MTSS1: variants seen among roughly 807,000 people sequenced by gnomAD.
MTSS1 encodes the protein MTSS I-BAR domain containing 1, also known as protein MTSS 1.
MTSS1 carries 18 observed loss-of-function variants against 79.0 expected under a neutral mutation model. The observed-to-expected ratio is 0.23, with a 90% CI of 0.16 to 0.34. MTSS1 has a LOEUF of 0.34. Ranked by LOEUF, MTSS1 falls within the 10% of genes least tolerant of loss-of-function variation. MTSS1 has a pLI of 1.00. For missense variants in MTSS1, 815 were observed against 986.2 expected (o/e 0.83, Z 2.33); for synonymous variants, 341 against 368.6 (o/e 0.93, Z 0.86).
chr8:124,604,001 TGAGAGTTCAA>T (rs1400830778), intron 3 of MTSS1, among the ~76,000 whole-genome samples: 1 of 152,024 alleles, frequency 6.6e-6, no homozygotes, highest in Non-Finnish European at 1.5e-5. Flanking sequence ...CACCTAAGGT[TGAGAGTTCAA>T]GACCAGCCTG....
chr8:124,685,856 C>T lies in MTSS1; in HGVS notation c.208+13670G>A, dbSNP rs118049592. Among the ~76,000 whole-genome samples the T allele has an allele frequency of 8.2e-3, 1,253 of 152,174 alleles. 14 individuals are homozygous for T. The highest frequency in any genetic ancestry group is 0.054 in the Middle Eastern group (16 of 294). Reference sequence around the variant, plus strand: ...AAGGACTGAACTGGATCCCAAACAGCGGCAGAAGTTGGAGACAGACAAGTG... The same window carrying T: ...AAGGACTGAACTGGATCCCAAACAGTGGCAGAAGTTGGAGACAGACAAGTG... On this transcript the variant is annotated intron_variant, in intron 3 of 13. Coordinates refer to ENST00000518547, the MANE Select transcript of MTSS1 (RefSeq NM_014751.6).
intron 2 of MTSS1, among the ~76,000 whole-genome samples, chr8:124,700,060 G>A (rs1472662618): frequency 2.0e-5 from 3 of 151,724 alleles, no homozygotes; most frequent in African/African-American, 7.3e-5. Flanking sequence ...AATCGCTTGA[G>A]ACCAGGAGGC....
intron 1 of MTSS1, among the ~76,000 whole-genome samples, chr8:124,707,179 C>G (rs1326004407): frequency 6.6e-6 from 1 of 152,134 alleles, no homozygotes; most frequent in African/African-American, 2.4e-5. Context: ...GCCAGACCCT[C>G]CTCTCCCAAA....
chr8:124,574,582 G>A lies in MTSS1; in HGVS notation c.461-6046C>T, dbSNP rs139096482. ...ACAAGCTGCCAGGAGCTAAACAGCC[G>A]ATCAAAAAGCCAGTGAAATGTGATT... On this transcript the variant is annotated intron_variant, in intron 6 of 13. Transcript: ENST00000518547. Among the ~76,000 whole-genome samples the A allele has an allele frequency of 3.3e-3, 504 of 152,210 alleles. 2 individuals carry two copies. Among genetic ancestry groups the A allele is most frequent in the African/African-American group, 0.011 (471 of 41,534 alleles).
chr8:124,581,306 AAT>A (rs1260464856), intron 6 of MTSS1, among the ~76,000 whole-genome samples: 202 of 151,486 alleles, frequency 1.3e-3, no homozygotes, highest in Non-Finnish European at 2.2e-3. Context: ...AAAAAAAAAA[AAT>A]CAAGACTTCT....
At position 124,727,518 on chromosome 8, in the gene MTSS1, T is replaced by A; in HGVS notation, c.72+366A>T. On this transcript the variant is annotated intron_variant, in intron 1 of 13. Coordinates refer to ENST00000518547, the MANE Select transcript of MTSS1 (RefSeq NM_014751.6). This position sits in a 1 kb window ranked among gnomAD's most constrained non-coding sequence, Gnocchi z 4.7. ...CCACCCCGTGCCCGGAGGAATCAGG[T>A]GTCCTCCCGGGCATCCAGCCCCCGC... 2.1e-6 allele frequency: 1 copy of A among 466,630 alleles called. No individual in the cohort carries two copies. Among genetic ancestry groups the A allele is most frequent in the Non-Finnish European group, 4.3e-6 (1 of 234,952 alleles). 28.9% of individuals were successfully genotyped at this position (466,630 alleles called of 1,614,324 possible).
intron 3 of MTSS1, among the ~76,000 whole-genome samples, chr8:124,687,859 G>A (rs747285675): frequency 6.6e-6 from 1 of 152,210 alleles, no homozygotes; most frequent in African/African-American, 2.4e-5. Flanking sequence ...GTCCCTTTCT[G>A]TCTTAGCAGA....
chr8:124,727,738 G>A lies in MTSS1; in HGVS notation c.72+146C>T, dbSNP rs1016994209. 3 of 699,694 alleles carry A rather than the reference G, an allele frequency of 4.3e-6. No homozygotes were observed. Among genetic ancestry groups the A allele is most frequent in the African/African-American group, 3.7e-5 (2 of 54,118 alleles). 43.3% of individuals were successfully genotyped at this position (699,694 alleles called of 1,614,324 possible). On this transcript the variant is annotated intron_variant, in intron 1 of 13. Coordinates refer to ENST00000518547, the MANE Select transcript of MTSS1 (RefSeq NM_014751.6). The surrounding 1 kb of genome is among the most constrained non-coding windows in gnomAD (Gnocchi z 4.7). ...CCGGAGCAGCGCCCCGGGTGAGCAG[G>A]TGACACTCCGGCCGGGAGCTCCCGC...
chr8:124,660,370 G>A (rs542817544), intron 3 of MTSS1, among the ~76,000 whole-genome samples: 3 of 151,674 alleles, frequency 2.0e-5, no homozygotes, highest in East Asian at 3.9e-4. Flanking sequence ...GGCAAGGAAC[G>A]AATGGCACTA....
At chr8:124,701,287 T>C (rs1048462184) in intron 2 of MTSS1, among the ~76,000 whole-genome samples, 13 of 152,136 alleles carry the variant, frequency 8.5e-5, no homozygotes, top group Admixed American at 2.0e-4. Flanking sequence ...GAATGGCCTT[T>C]AAACATCAGC....
intron 3 of MTSS1, among the ~76,000 whole-genome samples, chr8:124,591,541 A>G (rs1189389631): frequency 2.0e-5 from 3 of 152,208 alleles, no homozygotes; most frequent in Non-Finnish European, 4.4e-5. Context: ...CTAAAAATTG[A>G]CTTTACAACC....
intron 3 of MTSS1, among the ~76,000 whole-genome samples, chr8:124,606,123 G>A (rs1315576606): frequency 6.8e-6 from 1 of 146,272 alleles, no homozygotes; most frequent in Non-Finnish European, 1.5e-5. Context: ...CTACAGGCAT[G>A]TGCCACCATG....
chr8:124,678,234 C>G (rs1217021579), intron 3 of MTSS1, among the ~76,000 whole-genome samples: 1 of 152,114 alleles, frequency 6.6e-6, no homozygotes, highest in Non-Finnish European at 1.5e-5. Context: ...AGGAATAATT[C>G]CAGACTTAAG....
intron 3 of MTSS1, among the ~76,000 whole-genome samples, chr8:124,603,895 C>T (rs555801322): frequency 6.6e-6 from 1 of 152,318 alleles, no homozygotes; most frequent in South Asian, 2.1e-4. Flanking sequence ...CTTTTGGCTT[C>T]TCTGGGCCAC....
At chr8:124,628,352 G>A (rs1477106383) in intron 3 of MTSS1, among the ~76,000 whole-genome samples, 1 of 152,150 alleles carries the variant, frequency 6.6e-6, no homozygotes, top group Non-Finnish European at 1.5e-5. Context: ...CCAGGACACG[G>A]CACCAATTAT....
chr8:124,670,313 C>T (rs1823889116), intron 3 of MTSS1, among the ~76,000 whole-genome samples: 1 of 151,890 alleles, frequency 6.6e-6, no homozygotes, highest in Admixed American at 6.6e-5. Flanking sequence ...AGGAATTTGG[C>T]CAATATGGTT....
At chr8:124,703,052 CT>C (rs1445736672) in intron 2 of MTSS1, among the ~76,000 whole-genome samples, 3 of 152,058 alleles carry the variant, frequency 2.0e-5, no homozygotes, top group Non-Finnish European at 4.4e-5. Flanking sequence ...AAAATACACC[CT>C]TTTTCAGGGT....
At chr8:124,591,088 A>C in intron 4 of MTSS1, 63 bp downstream of exon 4, 2 of 1,353,338 alleles carry the variant, frequency 1.5e-6, no homozygotes, top group Non-Finnish European at 2.1e-6. Flanking sequence ...GCCACACATG[A>C]CTGCTTCCTT....
intron 3 of MTSS1, among the ~76,000 whole-genome samples, chr8:124,596,301 G>C (rs952313285): frequency 3.3e-4 from 50 of 151,956 alleles, no homozygotes; most frequent in African/African-American, 1.2e-3. Flanking sequence ...GTTGCTAAAA[G>C]AAATCTAAGT....
Sources: gnomAD v4.1 joint callset for allele counts (sites outside exome capture counted in the v4.1 genomes callset) on GRCh38, gnomAD v4.1.1 for gene constraint, Gnocchi (gnomAD v3.1) non-coding constraint, MANE v1.5 for transcripts, NCBI Gene and HGNC (gene_info 2026-07-23, HGNC 2026-07-21) for gene names.